The following SERGEF variants were observed in gnomAD, a reference collection of about 807,000 sequenced individuals.
SERGEF encodes secretion regulating guanine nucleotide exchange factor.
A neutral mutation model predicts 50.0 loss-of-function variants in SERGEF; 51 were observed. The observed-to-expected ratio is 1.02, with a 90% CI of 0.81 to 1.29. The LOEUF (loss-of-function observed/expected upper bound fraction) is 1.29. Among genes scored for constraint, SERGEF ranks in the 50% most tolerant of loss-of-function variants. The probability of loss-of-function intolerance (pLI) is 0.00; values close to 1 mark genes in which losing one functional copy is unlikely to be tolerated. For synonymous variants in SERGEF, 205 were observed against 212.4 expected (o/e 0.97, Z 0.30); for missense variants, 521 against 557.0 (o/e 0.94, Z 0.65).
intron 10 of SERGEF, among the ~76,000 whole-genome samples, chr11:17,798,510 T>C (rs1849607398): frequency 6.6e-6 from 1 of 152,264 alleles, no homozygotes; most frequent in Non-Finnish European, 1.5e-5. Context: ...GAGGCTGCTG[T>C]GGACACATTT....
At chr11:17,863,047 C>A (rs989924198) in intron 10 of SERGEF, among the ~76,000 whole-genome samples, 4 of 152,212 alleles carry the variant, frequency 2.6e-5, no homozygotes, top group Non-Finnish European at 5.9e-5. Flanking sequence ...GGGAGCAGCA[C>A]AAGAAGCGGC....
intron 9 of SERGEF, among the ~76,000 whole-genome samples, chr11:17,945,278 C>T (rs1467140718): frequency 6.6e-6 from 1 of 152,188 alleles, no homozygotes; most frequent in Non-Finnish European, 1.5e-5. Flanking sequence ...TATAATAATA[C>T]ATCAGGTATT....
chr11:17,947,975 C>T (rs554133952), intron 9 of SERGEF, among the ~76,000 whole-genome samples: 4 of 136,970 alleles, frequency 2.9e-5, no homozygotes, highest in East Asian at 2.1e-4. Context: ...TTTTCTGAGA[C>T]GGAGTCTTGT....
At chr11:17,840,148 G>C (rs1263879826) in intron 10 of SERGEF, among the ~76,000 whole-genome samples, 1 of 152,166 alleles carries the variant, frequency 6.6e-6, no homozygotes, top group African/African-American at 2.4e-5. Context: ...GAAGTTCTTT[G>C]TTCCACTGAC....
chr11:17,792,126 C>A (rs891985525), intron 10 of SERGEF, among the ~76,000 whole-genome samples: 1 of 152,234 alleles, frequency 6.6e-6, no homozygotes, highest in Non-Finnish European at 1.5e-5. Context: ...GCTGGCTGGG[C>A]CCCGGGATTA....
At chr11:17,875,377 A>G (rs535219625) in intron 10 of SERGEF, among the ~76,000 whole-genome samples, 1 of 152,372 alleles carries the variant, frequency 6.6e-6, no homozygotes, top group South Asian at 2.1e-4. Flanking sequence ...CTGGCTGACC[A>G]GCTGCACTGG....
chr11:17,917,281 T>C (rs1335742304), intron 9 of SERGEF, among the ~76,000 whole-genome samples: 1 of 152,186 alleles, frequency 6.6e-6, no homozygotes, highest in African/African-American at 2.4e-5. Flanking sequence ...CTGAATGGGA[T>C]TGGAGACTAT....
At chr11:17,873,266 TCC>T (rs1851179705) in intron 10 of SERGEF, among the ~76,000 whole-genome samples, 1 of 152,140 alleles carries the variant, frequency 6.6e-6, no homozygotes, top group Non-Finnish European at 1.5e-5. Flanking sequence ...AGCTTCATTT[TCC>T]CGTACCTAGA....
chr11:17,835,595 A>G (rs1850383997), intron 10 of SERGEF, among the ~76,000 whole-genome samples: 1 of 152,086 alleles, frequency 6.6e-6, no homozygotes. Flanking sequence ...TCATTTTCCT[A>G]TCTCCCTCAT....
chr11:17,908,063 A>C (rs1379783573), intron 9 of SERGEF, among the ~76,000 whole-genome samples: 1 of 152,198 alleles, frequency 6.6e-6, no homozygotes, highest in Non-Finnish European at 1.5e-5. Context: ...TCACTGTCAC[A>C]GTTTTCTGAC....
intron 5 of SERGEF, 132 bp from the exon 6 acceptor site, chr11:17,996,041 A>G: frequency 1.5e-6 from 1 of 680,942 alleles, no homozygotes. Flanking sequence ...GAGAAGCTCA[A>G]TTGCTTCAAG....
At chr11:18,002,695 CA>C (rs1853990796) in intron 4 of SERGEF, among the ~76,000 whole-genome samples, 1 of 152,188 alleles carries the variant, frequency 6.6e-6, no homozygotes, top group Non-Finnish European at 1.5e-5. Flanking sequence ...CATGGTATTA[CA>C]TTTAAGTATT....
chr11:17,915,145 TATGA>T (rs141026832), intron 9 of SERGEF, among the ~76,000 whole-genome samples: 17 of 151,962 alleles, frequency 1.1e-4, no homozygotes, highest in Non-Finnish European at 2.1e-4. Context: ...ATGCTCGTTG[TATGA>T]ATGAATGAAT....
intron 10 of SERGEF, among the ~76,000 whole-genome samples, chr11:17,873,707 T>C (rs1389156986): frequency 6.6e-6 from 1 of 151,844 alleles, no homozygotes; most frequent in Non-Finnish European, 1.5e-5. Context: ...CATCACACTT[T>C]CCTGCCAATA....
At chr11:17,916,178 ATGGGCTTCCC>A (rs1461865452) in intron 9 of SERGEF, among the ~76,000 whole-genome samples, 1 of 152,204 alleles carries the variant, frequency 6.6e-6, no homozygotes, top group African/African-American at 2.4e-5. Flanking sequence ...TACAGTTGGC[ATGGGCTTCCC>A]TGGCTTTGTA....
intron 9 of SERGEF, among the ~76,000 whole-genome samples, chr11:17,943,055 TTC>T (rs996736363): frequency 6.6e-6 from 1 of 151,690 alleles, no homozygotes; most frequent in African/African-American, 2.4e-5. Flanking sequence ...ATCAATAATT[TTC>T]TTTTTTGTAA....
At chr11:18,011,951 T>C (rs771478569) in intron 1 of SERGEF, among the ~76,000 whole-genome samples, 2 of 152,176 alleles carry the variant, frequency 1.3e-5, no homozygotes, top group Non-Finnish European at 2.9e-5. Flanking sequence ...ATTGGACAAC[T>C]AATACTGATT....
chr11:17,847,182 C>T (rs1304273731), intron 10 of SERGEF, among the ~76,000 whole-genome samples: 4 of 152,252 alleles, frequency 2.6e-5, no homozygotes, highest in Non-Finnish European at 5.9e-5. Context: ...CTTCACTGCA[C>T]CCTGTAAGCA....
chr11:17,879,362 T>G (rs1220317376), intron 9 of SERGEF, among the ~76,000 whole-genome samples: 9 of 152,278 alleles, frequency 5.9e-5, no homozygotes, highest in Admixed American at 3.3e-4. Context: ...GGATACTCAC[T>G]TTAGCTCCTG....
Sources: allele counts gnomAD v4.1 joint callset (sites outside exome capture counted in the v4.1 genomes callset), GRCh38; gene constraint gnomAD v4.1.1; transcripts MANE v1.5; gene names NCBI Gene and HGNC (gene_info 2026-07-23, HGNC 2026-07-21).